SLC35F5: variants seen among roughly 807,000 people sequenced by gnomAD.
SLC35F5 encodes the protein solute carrier family 35 member F5, also known as HCV NS5A-transactivated protein 3.
In SLC35F5, 54 loss-of-function variants were observed where a neutral mutation model predicts 68.6. That is an observed-to-expected ratio of 0.79 (90% CI 0.63 to 0.99). SLC35F5 has a LOEUF of 0.99. Among genes scored for constraint, SLC35F5 ranks in the 50% least tolerant of loss-of-function variants. The pLI is 0.00. For synonymous variants in SLC35F5, 211 were observed against 205.2 expected (o/e 1.03, Z -0.24); for missense variants, 567 against 626.9 (o/e 0.90, Z 1.02).
rs575443376 is a variant in SLC35F5 at position 113,706,956 on chromosome 2, A to G, written c.*8262T>C. Among the ~76,000 whole-genome samples, 24 of 152,326 alleles carry G rather than the reference A, an allele frequency of 1.6e-4. 1 individual carries two copies. In the South Asian group the frequency reaches 5.0e-3, roughly 32 times the overall value. On this transcript the variant is annotated 3_prime_UTR_variant, in exon 16 of 16. Coordinates refer to ENST00000245680, the MANE Select transcript of SLC35F5 (RefSeq NM_025181.5). ...AAAATACACAATGTTTCAAGTTGCA[A>G]GACAAAACCAGGGTAGTTTTGGCCC...
downstream of SLC35F5, among the ~76,000 whole-genome samples, chr2:113,704,666 CCCGGGGCCGGCAGGGCCTGCCGG>C (rs1686763350): frequency 6.6e-6 from 1 of 152,008 alleles, no homozygotes; most frequent in East Asian, 1.9e-4. Context: ...CCCCTCATTG[CCCGGGGCCGGCAGGGCCTGCCGG>C]CCGCTCCGAG....
At chr2:113,755,734 G>C (rs749584876) in intron 1 of SLC35F5, 190 bp from the exon 2 acceptor site, 5 of 1,065,654 alleles carry the variant, frequency 4.7e-6, no homozygotes, top group South Asian at 2.7e-5. Flanking sequence ...TATACTTAGA[G>C]AGATACGCGA....
At chr2:113,745,111 G>A (rs377344103) in intron 5 of SLC35F5, among the ~76,000 whole-genome samples, 1 of 152,120 alleles carries the variant, frequency 6.6e-6, no homozygotes, top group African/African-American at 2.4e-5. Flanking sequence ...TTTCATTACG[G>A]CATCTGGCCT....
chr2:113,712,675 T>A lies in SLC35F5; in HGVS notation c.*2543A>T, dbSNP rs1259773939. 6.6e-6 allele frequency: 1 copy of A among 152,268 alleles called. No homozygotes were observed. The allele number at this position is 152,268 out of a possible 1,614,324, so 9.4% of individuals were successfully genotyped here. A position where few individuals can be genotyped will look rare whatever the true frequency, so the allele number is the denominator to read the frequency against. On this transcript the variant is annotated 3_prime_UTR_variant, in exon 16 of 16. Coordinates refer to ENST00000245680, the MANE Select transcript of SLC35F5 (RefSeq NM_025181.5). The stretch of plus-strand genomic sequence containing the variant: ...AGCTTTGTTGTAGTTGAGATTCTGA[T>A]GTTCACCTAACAAAGTCCCTGACAA...
chr2:113,730,435 A>T (rs1239397548), intron 10 of SLC35F5, among the ~76,000 whole-genome samples: 2 of 152,232 alleles, frequency 1.3e-5, no homozygotes, highest in African/African-American at 4.8e-5. Context: ...ACATGCACAT[A>T]CCAAATACAT....
intron 5 of SLC35F5, among the ~76,000 whole-genome samples, chr2:113,745,831 G>C (rs1025457610): frequency 1.3e-5 from 2 of 151,938 alleles, no homozygotes; most frequent in Non-Finnish European, 2.9e-5. Flanking sequence ...TCGCAAATAC[G>C]CACACACTCA....
At chr2:113,755,590 A>C (rs1203211280) in intron 1 of SLC35F5, 46 bp from the exon 2 acceptor site, 1 of 1,527,076 alleles carries the variant, frequency 6.5e-7, no homozygotes, top group African/African-American at 1.4e-5. Context: ...GAATAACTCA[A>C]GGTAAGATTC....
rs1195040579 is a variant in SLC35F5, at chr2:113,713,091, A to T, written c.*2127T>A. The T allele has an allele frequency of 6.6e-6, 1 of 152,256 alleles. No individual in the cohort carries two copies. Among genetic ancestry groups the T allele is most frequent in the African/African-American group, 2.4e-5 (1 of 41,472 alleles). The allele number at this position is 152,256 out of a possible 1,614,324, so 9.4% of individuals were successfully genotyped here. A position where few individuals can be genotyped will look rare whatever the true frequency, so the allele number is the denominator to read the frequency against. On this transcript the variant is annotated 3_prime_UTR_variant, in exon 16 of 16. Transcript: ENST00000245680. ...CACCATGGCTACAGTATTCAAATGC[A>T]ACAATCATTCAGATAAATAAAACCT...
chr2:113,727,878 A>G (rs1687726874), intron 11 of SLC35F5, among the ~76,000 whole-genome samples: 1 of 152,236 alleles, frequency 6.6e-6, no homozygotes, highest in Non-Finnish European at 1.5e-5. Flanking sequence ...CAATGTATAA[A>G]TTTTTAAAAA....
At chr2:113,740,860 C>T (rs1273500822) in intron 7 of SLC35F5, among the ~76,000 whole-genome samples, 1 of 152,126 alleles carries the variant, frequency 6.6e-6, no homozygotes, top group Admixed American at 6.5e-5. Context: ...CTCTTCACCT[C>T]GTGATCCACC....
At chr2:113,719,375 G>A (rs554202103) in intron 13 of SLC35F5, 67 bp from the exon 14 acceptor site, 11 of 1,413,662 alleles carry the variant, frequency 7.8e-6, no homozygotes, top group Admixed American at 2.6e-5. Context: ...CCCCTTCAAT[G>A]TAAGTTTTCT....
intron 13 of SLC35F5, among the ~76,000 whole-genome samples, chr2:113,721,964 CTTTTA>C (rs1687455838): frequency 7.5e-6 from 1 of 134,014 alleles, no homozygotes; most frequent in Non-Finnish European, 1.6e-5. Flanking sequence ...GCATATTTTG[CTTTTA>C]TCTTTTTTTT....
At chr2:113,727,367 A>T (rs1031711763) in intron 11 of SLC35F5, among the ~76,000 whole-genome samples, 1 of 152,188 alleles carries the variant, frequency 6.6e-6, no homozygotes, top group African/African-American at 2.4e-5. Flanking sequence ...AAAAACAACA[A>T]CAAAAGAACA....
In SLC35F5 at chr2:113,714,859, T is replaced by C. The variant is rs1404194097; in HGVS notation, c.*359A>G. On this transcript the variant is annotated 3_prime_UTR_variant, in exon 16 of 16. Coordinates refer to ENST00000245680, the MANE Select transcript of SLC35F5 (RefSeq NM_025181.5). ...ATTTCTTGAAAACATTTTCATAATATATTCCAGCATTTAACATGTGAAAAT... is the reference window on the plus strand; with the variant it reads ...ATTTCTTGAAAACATTTTCATAATACATTCCAGCATTTAACATGTGAAAAT... The C allele has an allele frequency of 1.3e-5, 2 of 152,620 alleles. No homozygotes were observed. The highest frequency in any genetic ancestry group is 2.4e-5 in the African/African-American group (1 of 41,468). 9.5% of individuals were successfully genotyped at this position (152,620 alleles called of 1,614,324 possible).
intron 12 of SLC35F5, among the ~76,000 whole-genome samples, chr2:113,723,707 G>A (rs1382289957): frequency 6.6e-6 from 1 of 152,058 alleles, no homozygotes; most frequent in Non-Finnish European, 1.5e-5. Flanking sequence ...AAAAAAGAAA[G>A]ACTTGAATAT....
At chr2:113,738,810 G>T (rs1268289222) in intron 7 of SLC35F5, among the ~76,000 whole-genome samples, 1 of 152,098 alleles carries the variant, frequency 6.6e-6, no homozygotes, top group Admixed American at 6.5e-5. Context: ...GGTCTGAATT[G>T]AAAAGTGCTT....
chr2:113,755,381 T>C, intron 2 of SLC35F5, 73 bp downstream of exon 2: 1 of 1,604,404 alleles, frequency 6.2e-7, no homozygotes, highest in Non-Finnish European at 8.5e-7. Flanking sequence ...AACATTAGTA[T>C]AACAGAAACA....
chr2:113,754,225 G>A (rs906351526), intron 3 of SLC35F5, among the ~76,000 whole-genome samples: 4 of 151,300 alleles, frequency 2.6e-5, no homozygotes, highest in African/African-American at 9.7e-5. Flanking sequence ...GGGAGGCGGA[G>A]GTTGCAGTGA....
chr2:113,720,226 A>G (rs1280123343), intron 13 of SLC35F5, among the ~76,000 whole-genome samples: 1 of 151,974 alleles, frequency 6.6e-6, no homozygotes, highest in Non-Finnish European at 1.5e-5. Context: ...CTGAGACTTA[A>G]GTGTAACACA....
Sources: allele counts gnomAD v4.1 joint callset (sites outside exome capture counted in the v4.1 genomes callset), GRCh38; gene constraint gnomAD v4.1.1; transcripts MANE v1.5; gene names NCBI Gene and HGNC (gene_info 2026-07-23, HGNC 2026-07-21).